The following ALLC variants were observed in gnomAD, a reference collection of about 807,000 sequenced individuals.
ALLC encodes the protein allantoicase.
A neutral mutation model predicts 45.0 loss-of-function variants in ALLC; 40 were observed. That is an observed-to-expected ratio of 0.89 (90% CI 0.69 to 1.16). The LOEUF is 1.16. Among genes scored for constraint, ALLC ranks in the 50% most tolerant of loss-of-function variants. ALLC has a pLI of 0.00. For missense variants in ALLC, 488 were observed against 493.1 expected (o/e 0.99, Z 0.10); for synonymous variants, 176 against 178.1 (o/e 0.99, Z 0.09).
At chr2:3,657,897 T>G (rs189911946), upstream of ALLC, among the ~76,000 whole-genome samples, 1 of 152,368 alleles carries the variant, frequency 6.6e-6, no homozygotes. Context: ...TAATGATGAT[T>G]AGTGAATAGG....
At chr2:3,653,467 C>T (rs750510236), upstream of ALLC, among the ~76,000 whole-genome samples, 5 of 152,196 alleles carry the variant, frequency 3.3e-5, no homozygotes, top group Non-Finnish European at 7.3e-5. This position sits in a 1 kb window ranked among gnomAD's most constrained non-coding sequence, Gnocchi z 4.1. Flanking sequence ...GCCTGGTGGC[C>T]CAAGTGGACC....
the ALLC span, among the ~76,000 whole-genome samples, chr2:3,652,232 C>T: frequency 5.9e-5 from 9 of 152,204 alleles, no homozygotes; most frequent in African/African-American, 2.2e-4. Flanking sequence ...GCTAGGCTGC[C>T]CGCTGTTGCT....
At chr2:3,670,941 G>A (rs1666851776) in intron 1 of ALLC, among the ~76,000 whole-genome samples, 155 bp from the exon 2 acceptor site, 1 of 151,718 alleles carries the variant, frequency 6.6e-6, no homozygotes, top group Non-Finnish European at 1.5e-5. Flanking sequence ...CAACCTCATT[G>A]AGCAGAGGGC....
At chr2:3,651,428 TGTGTGTGTGTGTGTTAGGAA>T in the ALLC span, among the ~76,000 whole-genome samples, 4 of 58,806 alleles carry the variant, frequency 6.8e-5, no homozygotes, top group Non-Finnish European at 1.2e-4. Context: ...TGTGTGTGTG[TGTGTGTGTGTGTGTTAGGAA>T]GGGAGACGAG....
At chr2:3,682,537 A>T (rs1667206491) in intron 6 of ALLC, among the ~76,000 whole-genome samples, 1 of 151,950 alleles carries the variant, frequency 6.6e-6, no homozygotes, top group Admixed American at 6.6e-5. Context: ...TTGTTTGTTT[A>T]TTTTTTGGGA....
At chr2:3,659,193 T>A (rs1666509939) in intron 1 of ALLC, among the ~76,000 whole-genome samples, 1 of 152,190 alleles carries the variant, frequency 6.6e-6, no homozygotes, top group Non-Finnish European at 1.5e-5. Flanking sequence ...AACTCTTCCA[T>A]CAGCACAGCC....
chr2:3,672,958 G>A (rs1231684436), intron 2 of ALLC, among the ~76,000 whole-genome samples: 1 of 152,150 alleles, frequency 6.6e-6, no homozygotes, highest in African/African-American at 2.4e-5. Context: ...ACTCTAGCAG[G>A]GAGACAGATG....
intron 3 of ALLC, 72 bp from the exon 4 acceptor site, chr2:3,678,396 A>G (rs1431988145): frequency 4.5e-6 from 6 of 1,320,308 alleles, no homozygotes; most frequent in Non-Finnish European, 6.5e-6. Context: ...ACTGTGGGAC[A>G]GAAGTGGACT....
At chr2:3,690,239 AT>A (rs1667439580) in intron 7 of ALLC, among the ~76,000 whole-genome samples, 2 of 78,398 alleles carry the variant, frequency 2.6e-5, no homozygotes, top group Non-Finnish European at 2.5e-5. Flanking sequence ...TTGTTTTCTG[AT>A]CCCCTCCCCT....
rs549333186 is a variant in ALLC, at chr2:3,658,722, G to T, written c.-63+428G>T. 1.1e-4 allele frequency among the ~76,000 whole-genome samples: 16 copies of T among 152,050 alleles called. 1 individual carries two copies. Among genetic ancestry groups the T allele is most frequent in the Admixed American group, 3.3e-4 (5 of 15,270 alleles). Reference sequence around the variant, plus strand: ...ATTTCTACCAAAAATCAAAAAAATAGCCAGGCATGGTGGTGCGTGCCTGTG... The same window carrying T: ...ATTTCTACCAAAAATCAAAAAAATATCCAGGCATGGTGGTGCGTGCCTGTG... On this transcript the variant is annotated intron_variant, in intron 1 of 11. Coordinates refer to ENST00000252505, the MANE Select transcript of ALLC (RefSeq NM_018436.4).
chr2:3,676,416 T>C (rs939094734), intron 3 of ALLC, among the ~76,000 whole-genome samples: 1 of 151,994 alleles, frequency 6.6e-6, no homozygotes, highest in Non-Finnish European at 1.5e-5. Context: ...ACTACAGGCA[T>C]ACTCCACTGT....
chr2:3,684,846 C>T (rs1397256226), intron 7 of ALLC, among the ~76,000 whole-genome samples: 1 of 151,902 alleles, frequency 6.6e-6, no homozygotes, highest in African/African-American at 2.4e-5. Context: ...TTATGGGGTA[C>T]ATGAAATGTT....
Position 3,671,209 on chromosome 2 carries a change from G to A in ALLC, c.33+19G>A. Reference sequence around the variant, plus strand: ...AGGAAAAGTAAGTGGGTCTCTCATGGCCAAACAAGGGTTGAAGGCATCCGT... The same window carrying A: ...AGGAAAAGTAAGTGGGTCTCTCATGACCAAACAAGGGTTGAAGGCATCCGT... On this transcript the variant is annotated intron_variant, in intron 2 of 11. Transcript: ENST00000252505. The A allele has an allele frequency of 6.2e-7, 1 of 1,607,136 alleles. No individual in the cohort carries two copies. Among genetic ancestry groups the A allele is most frequent in the Admixed American group, 1.7e-5 (1 of 59,100 alleles).
At position 3,680,132 on chromosome 2, in the gene ALLC, C is replaced by A; in HGVS notation, c.298+138C>A. 1 of 1,229,434 alleles carries A rather than the reference C, an allele frequency of 8.1e-7. No homozygotes were observed. Among genetic ancestry groups the A allele is most frequent in the Non-Finnish European group, 1.1e-6 (1 of 875,216 alleles). The allele number at this position is 1,229,434 out of a possible 1,614,324, so 76.2% of individuals were successfully genotyped here. A position where few individuals can be genotyped will look rare whatever the true frequency, so the allele number is the denominator to read the frequency against. On this transcript the variant is annotated intron_variant, in intron 5 of 11. Coordinates refer to ENST00000252505, the MANE Select transcript of ALLC (RefSeq NM_018436.4). This position sits in a 1 kb window ranked among gnomAD's most constrained non-coding sequence, Gnocchi z 4.0. The stretch of plus-strand genomic sequence containing the variant: ...CTTGACTAAGGCTACTTTACTGTAA[C>A]GGGGCTGTAGGACCAGGACTCCTAG...
At chr2:3,698,841 C>T (rs982173873) in intron 10 of ALLC, among the ~76,000 whole-genome samples, 8 of 151,980 alleles carry the variant, frequency 5.3e-5, no homozygotes, top group African/African-American at 1.9e-4. Context: ...ATACATGTGC[C>T]ATGTTGGTGT....
chr2:3,678,567 G>A lies in ALLC; in HGVS notation c.172+12G>A, dbSNP rs772361133. 8.7e-6 allele frequency: 14 copies of A among 1,611,716 alleles called. No individual in the cohort carries two copies. Among genetic ancestry groups the A allele is most frequent in the South Asian group, 5.5e-5 (5 of 90,972 alleles). Reference sequence around the variant, plus strand: ...GAAAAGGATTCCAGGTAATAACAACGGTTCGTTCATCGAAGTGCAGCTGAC... The same window carrying A: ...GAAAAGGATTCCAGGTAATAACAACAGTTCGTTCATCGAAGTGCAGCTGAC... On this transcript the variant is annotated intron_variant, in intron 4 of 11. Coordinates refer to ENST00000252505, the MANE Select transcript of ALLC (RefSeq NM_018436.4).
chr2:3,682,873 A>G, intron 6 of ALLC, 69 bp from the exon 7 acceptor site: 1 of 1,518,726 alleles, frequency 6.6e-7, no homozygotes, highest in East Asian at 2.3e-5. Flanking sequence ...TAAGTGCCAC[A>G]GAGGCAATAG....
intron 2 of ALLC, 148 bp downstream of exon 2, chr2:3,671,338 T>G: frequency 1.1e-6 from 1 of 869,890 alleles, no homozygotes; most frequent in Non-Finnish European, 1.8e-6. Flanking sequence ...GAGAAAGACT[T>G]CCAAAGAATT....
intron 10 of ALLC, among the ~76,000 whole-genome samples, chr2:3,699,292 A>G (rs1340234153): frequency 3.3e-5 from 5 of 152,160 alleles, no homozygotes; most frequent in Non-Finnish European, 7.3e-5. Context: ...GCCAAGAATA[A>G]TGCTCTCCAG....
Sources: gnomAD v4.1 joint callset for allele counts (sites outside exome capture counted in the v4.1 genomes callset) on GRCh38, gnomAD v4.1.1 for gene constraint, Gnocchi (gnomAD v3.1) non-coding constraint, MANE v1.5 for transcripts, NCBI Gene and HGNC (gene_info 2026-07-23, HGNC 2026-07-21) for gene names.